Variants in NTN4 observed in about 807,000 individuals in gnomAD.
NTN4 encodes the protein netrin-4.
A neutral mutation model predicts 73.6 loss-of-function variants in NTN4; 32 were observed. The observed-to-expected ratio is 0.44, with a 90% CI of 0.33 to 0.58. The LOEUF is 0.58. Ranked by LOEUF, NTN4 falls within the 20% of genes least tolerant of loss-of-function variation. NTN4 has a pLI of 0.04. For synonymous variants in NTN4, 258 were observed against 287.5 expected, an observed-to-expected ratio of 0.90 and a Z score of 1.04; for missense variants, 654 against 798.3, an observed-to-expected ratio of 0.82 and a Z score of 2.18.
At chr12:95,672,557 T>C in intron 7 of NTN4, 1 of 1,526,000 alleles carries the variant, frequency 6.6e-7, no homozygotes, top group Non-Finnish European at 9.0e-7. Context: ...AATGAGGACT[T>C]GGCGCCTCAA....
intron 7 of NTN4, among the ~76,000 whole-genome samples, chr12:95,681,355 G>A (rs551383480): frequency 4.6e-5 from 7 of 152,156 alleles, no homozygotes; most frequent in South Asian, 2.1e-4. Context: ...CTGGTACATC[G>A]GGGACTTCAA....
chr12:95,769,959 A>G (rs12304544), intron 2 of NTN4, among the ~76,000 whole-genome samples: 9,504 of 151,848 alleles, frequency 0.063, 710 homozygotes, highest in East Asian at 0.35. Context: ...GTTTCAGCAC[A>G]TTGGCCAGGC....
chr12:95,769,966 A>G (rs1383095663), intron 2 of NTN4, among the ~76,000 whole-genome samples: 3 of 152,054 alleles, frequency 2.0e-5, no homozygotes, highest in Admixed American at 6.5e-5. Flanking sequence ...CACATTGGCC[A>G]GGCTGGTCTT....
intron 2 of NTN4, among the ~76,000 whole-genome samples, chr12:95,780,528 C>T (rs1167271668): frequency 6.6e-6 from 1 of 152,174 alleles, no homozygotes; most frequent in Non-Finnish European, 1.5e-5. Flanking sequence ...GACATTTATG[C>T]AGCCAAAAGA....
At chr12:95,717,891 C>A (rs2078618707) in intron 3 of NTN4, among the ~76,000 whole-genome samples, 1 of 152,168 alleles carries the variant, frequency 6.6e-6, no homozygotes, top group Non-Finnish European at 1.5e-5. Flanking sequence ...TTTGGATATT[C>A]TATGATTTCC....
intron 5 of NTN4, among the ~76,000 whole-genome samples, chr12:95,690,317 G>C (rs754655853): frequency 6.6e-5 from 10 of 152,146 alleles, no homozygotes; most frequent in Non-Finnish European, 1.3e-4. Context: ...CAAATTGCTA[G>C]GGATCTAACT....
intron 9 of NTN4, among the ~76,000 whole-genome samples, chr12:95,660,470 A>G (rs1237543012): frequency 2.0e-5 from 3 of 152,194 alleles, no homozygotes; most frequent in Non-Finnish European, 2.9e-5. Flanking sequence ...AACTAAATAA[A>G]TGATAAAACT....
chr12:95,749,179 C>T (rs1244388604), intron 2 of NTN4, among the ~76,000 whole-genome samples: 1 of 152,186 alleles, frequency 6.6e-6, no homozygotes, highest in Non-Finnish European at 1.5e-5. Context: ...TCTCCCTTCG[C>T]TGACTCTCTT....
chr12:95,667,997 A>G (rs1193846853), intron 8 of NTN4, among the ~76,000 whole-genome samples: 2 of 152,216 alleles, frequency 1.3e-5, no homozygotes, highest in Non-Finnish European at 2.9e-5. Context: ...GACAGGGAGC[A>G]TAGTGCCCGG....
chr12:95,707,411 T>G (rs2078528700), intron 5 of NTN4, among the ~76,000 whole-genome samples: 2 of 152,300 alleles, frequency 1.3e-5, no homozygotes, highest in Non-Finnish European at 2.9e-5. Flanking sequence ...AGTTAACTCT[T>G]TGGTGAACTT....
At chr12:95,720,392 C>T (rs531320735) in intron 3 of NTN4, among the ~76,000 whole-genome samples, 35 of 152,252 alleles carry the variant, frequency 2.3e-4, no homozygotes, top group Non-Finnish European at 4.0e-4. Context: ...CCTAAGAAAA[C>T]GGCATTTAGT....
chr12:95,709,011 G>T (rs1393635087), intron 5 of NTN4, among the ~76,000 whole-genome samples: 2 of 152,112 alleles, frequency 1.3e-5, no homozygotes, highest in African/African-American at 4.8e-5. Flanking sequence ...CCAGATTTGG[G>T]GCTTGGTGTG....
At chr12:95,677,060 C>T (rs1432339587) in intron 7 of NTN4, among the ~76,000 whole-genome samples, 1 of 152,022 alleles carries the variant, frequency 6.6e-6, no homozygotes, top group African/African-American at 2.4e-5. Flanking sequence ...CACTGTGAAA[C>T]CCCATCTCTA....
At chr12:95,775,751 G>A (rs1243134251) in intron 2 of NTN4, among the ~76,000 whole-genome samples, 1 of 152,246 alleles carries the variant, frequency 6.6e-6, no homozygotes, top group African/African-American at 2.4e-5. Flanking sequence ...TTCCACCTCT[G>A]GGGGCAGGGC....
At chr12:95,697,635 T>A (rs1330969277) in intron 5 of NTN4, among the ~76,000 whole-genome samples, 5 of 152,068 alleles carry the variant, frequency 3.3e-5, no homozygotes, top group African/African-American at 1.2e-4. Flanking sequence ...TTTACTTTTT[T>A]TTTTTTTTCA....
intron 9 of NTN4, among the ~76,000 whole-genome samples, chr12:95,664,329 A>G (rs2078162579): frequency 6.6e-6 from 1 of 152,170 alleles, no homozygotes; most frequent in South Asian, 2.1e-4. Flanking sequence ...AAGTACTGAG[A>G]TTACAGGCGT....
intron 2 of NTN4, among the ~76,000 whole-genome samples, chr12:95,777,178 G>A (rs1487403924): frequency 2.0e-5 from 3 of 152,062 alleles, no homozygotes; most frequent in Non-Finnish European, 4.4e-5. Context: ...ACATGGAAAG[G>A]AACAACCAGT....
At chr12:95,767,199 G>A (rs1474328371) in intron 2 of NTN4, among the ~76,000 whole-genome samples, 1 of 151,950 alleles carries the variant, frequency 6.6e-6, no homozygotes, top group Non-Finnish European at 1.5e-5. Flanking sequence ...CCACTCTCAG[G>A]ATTGGCTTTC....
At position 95,704,013 on chromosome 12, in the gene NTN4, G is replaced by A. The variant is rs538681000; in HGVS notation, c.1180+6428C>T. ...CGTGATCCTAACTCACTGCAGCCTC[G>A]AATTTTGGAGGCTCAAGTGATCCTC... is the stretch of plus-strand genomic sequence containing the variant. On this transcript the variant is annotated intron_variant, in intron 5 of 9. Coordinates refer to ENST00000343702, the MANE Select transcript of NTN4 (RefSeq NM_021229.4). Among the ~76,000 whole-genome samples the A allele has an allele frequency of 1.9e-4, 29 of 152,160 alleles. No individual in the cohort carries two copies. The East Asian group carries it at 4.3e-3, about 22-fold the overall frequency.
Sources: gnomAD v4.1 joint callset for allele counts (sites outside exome capture counted in the v4.1 genomes callset) on GRCh38, gnomAD v4.1.1 for gene constraint, MANE v1.5 for transcripts, NCBI Gene and HGNC (gene_info 2026-07-23, HGNC 2026-07-21) for gene names.